Variants in DOCK7 observed in about 807,000 individuals in gnomAD.
DOCK7 encodes the protein dedicator of cytokinesis protein 7.
In DOCK7, 138 loss-of-function variants were observed where a neutral mutation model predicts 271.0. The observed-to-expected ratio is 0.51, with a 90% CI of 0.44 to 0.59. The LOEUF is 0.59. Among genes scored for constraint, DOCK7 ranks in the 20% least tolerant of loss-of-function variants. The probability of loss-of-function intolerance (pLI) is 0.00; values close to 1 mark genes in which losing one functional copy is unlikely to be tolerated. For missense variants in DOCK7, 2,066 were observed against 2,592.4 expected (o/e 0.80, Z 4.41); for synonymous variants, 823 against 876.1 (o/e 0.94, Z 1.07).
chr1:62,552,970 C>G, intron 21 of DOCK7, 69 bp from the exon 22 acceptor site: 2 of 1,246,898 alleles, frequency 1.6e-6, no homozygotes, highest in Non-Finnish European at 2.1e-6. Context: ...AAAAAAATCT[C>G]TGCCACTTTA....
intron 49 of DOCK7, among the ~76,000 whole-genome samples, chr1:62,456,846 G>C (rs1346812386): frequency 1.3e-5 from 2 of 152,108 alleles, no homozygotes; most frequent in African/African-American, 2.4e-5. Flanking sequence ...AAAGATTGAA[G>C]GGGAAACCAA....
At chr1:62,627,816 TTA>T (rs2149611132) in intron 11 of DOCK7, 1 of 152,278 alleles carries the variant, frequency 6.6e-6, no homozygotes, top group South Asian at 2.1e-4. Flanking sequence ...ATAAATTGAC[TTA>T]GAGATTCAAT....
Position 62,537,950 on chromosome 1 carries a change from A to G in DOCK7, c.3412T>C (p.Cys1138Arg), listed in dbSNP as rs746771145. Reference protein sequence around the residue: ...HEHYVTLNLPCSLLTPPASPS... With the variant: ...HEHYVTLNLPRSLLTPPASPS... ...GATGCAGGTGGAGTAAGTAAGCTGC[A>G]GGGTAAGTTTAATGTAACATAGTGC... is the stretch of plus-strand genomic sequence containing the variant. The change falls in exon 28 of 50, where the codon TGC (cysteine) becomes CGC (arginine). Residue 1138 changes from cysteine (C) to arginine (R), a missense_variant. Physicochemically the swap from Cys to Arg is radical, Grantham distance 180. Around this residue, in one of 2 missense-constraint regions of DOCK7, gnomAD observed 1,414 missense variants for 1,670.4 expected, o/e 0.85. Coordinates refer to ENST00000635253, the MANE Select transcript of DOCK7 (RefSeq NM_001367561.1). The G allele has an allele frequency of 3.1e-6, 5 of 1,614,064 alleles. No individual in the cohort carries two copies. Among genetic ancestry groups the G allele is most frequent in the Non-Finnish European group, 3.4e-6 (4 of 1,179,954 alleles).
intron 43 of DOCK7, chr1:62,479,687 G>A (rs1465027531): frequency 5.8e-6 from 2 of 347,306 alleles, no homozygotes; most frequent in Admixed American, 5.7e-5. Flanking sequence ...TTTATTTTTA[G>A]TTTTTAGTTT....
At chr1:62,593,710 C>T (rs1325496413) in intron 14 of DOCK7, among the ~76,000 whole-genome samples, 3 of 135,032 alleles carry the variant, frequency 2.2e-5, no homozygotes, top group South Asian at 2.4e-4. Flanking sequence ...TCAAAGCTCA[C>T]TTAACCTCTG....
At chr1:62,619,384 A>G (rs1652852306) in intron 13 of DOCK7, among the ~76,000 whole-genome samples, 2 of 152,240 alleles carry the variant, frequency 1.3e-5, no homozygotes, top group African/African-American at 4.8e-5. Context: ...CGCTGGGGAT[A>G]TATTTTAAGA....
At chr1:62,465,402 G>C (rs1476698827) in intron 48 of DOCK7, among the ~76,000 whole-genome samples, 1 of 151,920 alleles carries the variant, frequency 6.6e-6, no homozygotes, top group African/African-American at 2.4e-5. Context: ...CAGGTGAATT[G>C]CTTGGTATTA....
chr1:62,548,613 G>A (rs1315232013), intron 22 of DOCK7, among the ~76,000 whole-genome samples: 6 of 152,020 alleles, frequency 3.9e-5, no homozygotes, highest in African/African-American at 1.4e-4. Context: ...TAGAGACGGG[G>A]TTTCTCCATG....
At chr1:62,510,518 C>T in intron 34 of DOCK7, 59 bp downstream of exon 34, 2 of 1,271,236 alleles carry the variant, frequency 1.6e-6, no homozygotes, top group East Asian at 4.8e-5. Flanking sequence ...TATCATTTTC[C>T]TCTTACATTT....
intron 10 of DOCK7, among the ~76,000 whole-genome samples, chr1:62,632,005 A>G (rs1571841397): frequency 6.6e-6 from 1 of 152,224 alleles, no homozygotes; most frequent in East Asian, 1.9e-4. Context: ...AGACATCTTG[A>G]GGCTGGCTCA....
chr1:62,554,731 G>A (rs978484488), intron 21 of DOCK7, among the ~76,000 whole-genome samples: 6 of 152,128 alleles, frequency 3.9e-5, no homozygotes, highest in African/African-American at 1.4e-4. Context: ...AATTCTAATA[G>A]TGTACTGAAT....
rs1394064231 is a variant in DOCK7 at position 62,663,259 on chromosome 1, GGC to G, written c.39-131_39-130del. On this transcript the variant is annotated intron_variant, in intron 1 of 49. Transcript: ENST00000635253. ...AAACAAAATCTCAGCATAACAATAA[GGC>G]TAGAAATTCGTAAAATATTTTAGGA... 3 of 705,706 alleles carry G rather than the reference GGC, an allele frequency of 4.3e-6. No homozygotes were observed. In the African/African-American group the frequency reaches 5.4e-5, roughly 13 times the overall value. 43.7% of individuals were successfully genotyped at this position (705,706 alleles called of 1,614,324 possible).
chr1:62,653,661 T>G, intron 4 of DOCK7, 64 bp downstream of exon 4: 1 of 1,048,218 alleles, frequency 9.5e-7, no homozygotes, highest in Non-Finnish European at 1.5e-6. Flanking sequence ...ATTACGAATC[T>G]GCCTTAATCC....
chr1:62,600,919 A>C (rs1650019257), intron 14 of DOCK7: 8 of 561,138 alleles, frequency 1.4e-5, no homozygotes, highest in Non-Finnish European at 2.3e-5. Flanking sequence ...TTTTGAGAAC[A>C]GGTAATCTGT....
intron 1 of DOCK7, among the ~76,000 whole-genome samples, chr1:62,668,509 T>C (rs541779270): frequency 6.6e-6 from 1 of 152,336 alleles, no homozygotes; most frequent in African/African-American, 2.4e-5. Context: ...TTTTTTAAAA[T>C]GTTTTTACTG....
chr1:62,644,502 A>C (rs1169961044), intron 7 of DOCK7, among the ~76,000 whole-genome samples: 1 of 152,228 alleles, frequency 6.6e-6, no homozygotes, highest in Non-Finnish European at 1.5e-5. Context: ...CAACAGCCCT[A>C]ATGTAAAATT....
intron 41 of DOCK7, 23 bp from the exon 42 acceptor site, chr1:62,489,088 G>T (rs1646381956): frequency 3.2e-6 from 5 of 1,541,956 alleles, no homozygotes; most frequent in Non-Finnish European, 4.4e-6. Context: ...ATTTTGTTAA[G>T]ATGTTGCTTT....
chr1:62,465,799 C>T (rs1410652841), intron 48 of DOCK7, among the ~76,000 whole-genome samples: 2 of 152,214 alleles, frequency 1.3e-5, no homozygotes, highest in African/African-American at 2.4e-5. Flanking sequence ...ATCCACCTGT[C>T]TTGGCCTCCC....
At chr1:62,553,340 ATATATATATATATATTTTTTTTTTTT>A (rs1239579683) in intron 21 of DOCK7, among the ~76,000 whole-genome samples, 676 of 8,388 alleles carry the variant, frequency 0.081, 21 homozygotes, top group South Asian at 0.31. Flanking sequence ...ATATATATAT[ATATATATATATATATTTTTTTTTTTT>A]TTTTTTTTTT....
Sources: allele counts gnomAD v4.1 joint callset (sites outside exome capture counted in the v4.1 genomes callset), GRCh38; gene constraint gnomAD v4.1.1; regional missense constraint gnomAD v4.1.1; transcripts MANE v1.5; gene names NCBI Gene and HGNC (gene_info 2026-07-23, HGNC 2026-07-21).